DPP4: variants seen among roughly 807,000 people sequenced by gnomAD.
The protein encoded by DPP4 is ADCP-2.
A neutral mutation model predicts 122.4 loss-of-function variants in DPP4; 93 were observed. The observed-to-expected ratio is 0.76, with a 90% CI of 0.64 to 0.90. The LOEUF (loss-of-function observed/expected upper bound fraction) is 0.90. Among genes scored for constraint, DPP4 ranks in the 40% least tolerant of loss-of-function variants. The pLI is 0.00. For synonymous variants in DPP4, 321 were observed against 302.9 expected, an observed-to-expected ratio of 1.06 and a Z score of -0.62; for missense variants, 914 against 907.3, an observed-to-expected ratio of 1.01 and a Z score of -0.09.
intron 7 of DPP4, among the ~76,000 whole-genome samples, chr2:162,038,702 T>C (rs941504358): frequency 2.0e-5 from 3 of 152,290 alleles, no homozygotes; most frequent in Non-Finnish European, 4.4e-5. Context: ...CCGAGAAGGC[T>C]GACCACTTCT....
At chr2:162,040,960 TG>T (rs1683963703) in intron 5 of DPP4, among the ~76,000 whole-genome samples, 1 of 152,050 alleles carries the variant, frequency 6.6e-6, no homozygotes, top group Admixed American at 6.6e-5. Context: ...CCAGATGACT[TG>T]AAAGGAGTTT....
At chr2:162,055,947 C>T (rs1391620874) in intron 2 of DPP4, among the ~76,000 whole-genome samples, 3 of 152,334 alleles carry the variant, frequency 2.0e-5, no homozygotes, top group East Asian at 1.9e-4. Flanking sequence ...TCCACACTGG[C>T]CACCCAGTGG....
intron 5 of DPP4, among the ~76,000 whole-genome samples, chr2:162,043,092 G>T (rs1684043400): frequency 6.6e-6 from 1 of 152,184 alleles, no homozygotes; most frequent in Non-Finnish European, 1.5e-5. Flanking sequence ...GCAATTAAAG[G>T]TTCTCAACTC....
intron 23 of DPP4, among the ~76,000 whole-genome samples, chr2:162,001,113 C>T (rs2106075494): frequency 6.6e-6 from 1 of 152,308 alleles, no homozygotes; most frequent in South Asian, 2.1e-4. Context: ...TAAGTGCCCT[C>T]TCTCCCTTTT....
intron 2 of DPP4, among the ~76,000 whole-genome samples, chr2:162,061,817 C>T (rs899463530): frequency 6.6e-6 from 1 of 152,144 alleles, no homozygotes; most frequent in Non-Finnish European, 1.5e-5. Context: ...AAAACTCCTG[C>T]CCTTATGAAG....
intron 4 of DPP4, 53 bp from the exon 5 acceptor site, chr2:162,045,665 C>A: frequency 7.7e-7 from 1 of 1,300,040 alleles, no homozygotes; most frequent in Non-Finnish European, 1.1e-6. Flanking sequence ...TCATTGCCAT[C>A]ACTGTGCACT....
At chr2:162,056,331 T>C (rs1174822845) in intron 2 of DPP4, among the ~76,000 whole-genome samples, 1 of 152,114 alleles carries the variant, frequency 6.6e-6, no homozygotes, top group Non-Finnish European at 1.5e-5. Context: ...TGGTATACAG[T>C]AGACACTCAA....
chr2:162,030,128 AAGTT>A (rs1214028261), intron 10 of DPP4, among the ~76,000 whole-genome samples: 11 of 152,336 alleles, frequency 7.2e-5, no homozygotes, highest in African/African-American at 2.2e-4. Context: ...CTCTAGATAA[AAGTT>A]AGGAGATTTA....
At chr2:162,055,801 C>T (rs1204985350) in intron 2 of DPP4, among the ~76,000 whole-genome samples, 2 of 152,200 alleles carry the variant, frequency 1.3e-5, no homozygotes, top group Non-Finnish European at 2.9e-5. Flanking sequence ...AATCATTTTC[C>T]AATGTGTCCA....
chr2:162,055,698 T>A (rs982737025), intron 2 of DPP4, among the ~76,000 whole-genome samples: 2 of 150,878 alleles, frequency 1.3e-5, no homozygotes, highest in Non-Finnish European at 3.0e-5. Context: ...AACACTGTGG[T>A]ACATCCAGGG....
In DPP4 at chr2:162,074,154, G is replaced by GTGA; in HGVS notation, c.-174_-173insTCA. 1 of 1,330,710 alleles carries GTGA rather than the reference G, an allele frequency of 7.5e-7. No homozygotes were observed. The highest frequency in any genetic ancestry group is 9.6e-7 in the Non-Finnish European group (1 of 1,042,396). 82.4% of individuals were successfully genotyped at this position (1,330,710 alleles called of 1,614,324 possible). Reference sequence around the variant, plus strand: ...GAGCGCCGAGCCCGCTGGGTATAAAGGCGCCGCGGGCAGGCTGCAGGGCAG... The same window carrying GTGA: ...GAGCGCCGAGCCCGCTGGGTATAAAGTGAGCGCCGCGGGCAGGCTGCAGGGCAG... On this transcript the variant is annotated 5_prime_UTR_variant, in exon 1 of 26. Coordinates refer to ENST00000360534, the MANE Select transcript of DPP4 (RefSeq NM_001935.4).
Position 162,008,670 on chromosome 2 carries a change from T to A in DPP4, c.1888-9A>T, listed in dbSNP as rs755788492. ...ACGTACCCTCCATATGACTAAGGAA[T>A]GGAAACAGTTATTTTTATGGAGGTA... On this transcript the variant is annotated splice_polypyrimidine_tract_variant and intron_variant, in intron 21 of 25. Coordinates refer to ENST00000360534, the MANE Select transcript of DPP4 (RefSeq NM_001935.4). 3.1e-6 allele frequency: 5 copies of A among 1,609,230 alleles called. No individual in the cohort carries two copies. Among genetic ancestry groups the A allele is most frequent in the Admixed American group, 1.7e-5 (1 of 59,918 alleles).
At chr2:162,070,906 A>C (rs10930041) in intron 2 of DPP4, among the ~76,000 whole-genome samples, 2,431 of 152,310 alleles carry the variant, frequency 0.016, 32 homozygotes, top group South Asian at 0.037. Flanking sequence ...ATGAAACAAC[A>C]TCTCCACCTG....
intron 5 of DPP4, among the ~76,000 whole-genome samples, chr2:162,040,807 C>T (rs1271431390): frequency 1.3e-5 from 2 of 151,720 alleles, no homozygotes; most frequent in Non-Finnish European, 2.9e-5. Context: ...ATGGACCACA[C>T]TCATGCAAGA....
chr2:162,037,787 T>C (rs547758372), intron 8 of DPP4, among the ~76,000 whole-genome samples: 174 of 152,314 alleles, frequency 1.1e-3, no homozygotes, highest in African/African-American at 4.0e-3. Flanking sequence ...TCCTAAGCCT[T>C]TCTAATTGCT....
At position 161,992,909 on chromosome 2, in the gene DPP4, T is replaced by G. The variant is rs1700899386; in HGVS notation, c.*374A>C. 9.3e-6 allele frequency: 2 copies of G among 215,494 alleles called. No homozygotes were observed. The highest frequency in any genetic ancestry group is 1.5e-4 in the South Asian group (2 of 13,026). 13.3% of individuals were successfully genotyped at this position (215,494 alleles called of 1,614,324 possible). A position where few individuals can be genotyped will look rare whatever the true frequency, so the allele number is the denominator to read the frequency against. On this transcript the variant is annotated 3_prime_UTR_variant, in exon 26 of 26. Transcript: ENST00000360534. ...CCTAGTGACATCACTGCCCACATCT[T>G]GCCATCCCTTTAAAGAAGAGAACAA...
At chr2:162,040,100 A>G (rs1683935162) in intron 5 of DPP4, among the ~76,000 whole-genome samples, 1 of 152,128 alleles carries the variant, frequency 6.6e-6, no homozygotes, top group African/African-American at 2.4e-5. Context: ...AAAGTGAGAA[A>G]AATTCTGAAT....
intron 10 of DPP4, among the ~76,000 whole-genome samples, chr2:162,030,807 C>T (rs145291111): frequency 2.0e-3 from 298 of 152,272 alleles, no homozygotes; most frequent in African/African-American, 6.7e-3. Flanking sequence ...ATTCCTGTGG[C>T]ATTTCCAAAA....
At chr2:161,997,349 G>A (rs973331197) in intron 23 of DPP4, among the ~76,000 whole-genome samples, 4 of 151,762 alleles carry the variant, frequency 2.6e-5, no homozygotes, top group East Asian at 1.9e-4. Context: ...TTATCCCTCC[G>A]TTGATTTTTT....
Sources: gnomAD v4.1 joint callset for allele counts (sites outside exome capture counted in the v4.1 genomes callset) on GRCh38, gnomAD v4.1.1 for gene constraint, MANE v1.5 for transcripts, NCBI Gene and HGNC (gene_info 2026-07-23, HGNC 2026-07-21) for gene names.